The following TTC39A variants were observed in gnomAD, a reference collection of about 807,000 sequenced individuals.
The protein encoded by TTC39A is tetratricopeptide repeat domain 39A.
A neutral mutation model predicts 82.3 loss-of-function variants in TTC39A; 46 were observed. The observed-to-expected ratio is 0.56, with a 90% confidence interval of 0.44 to 0.71. The LOEUF is 0.71. Ranked by LOEUF, TTC39A falls within the 30% of genes least tolerant of loss-of-function variation. TTC39A has a pLI of 0.00. For synonymous variants in TTC39A, 254 were observed against 275.2 expected, an observed-to-expected ratio of 0.92 and a Z score of 0.76; for missense variants, 543 against 712.9, an observed-to-expected ratio of 0.76 and a Z score of 2.71.
At chr1:51,291,108 C>G (rs1644194687) in intron 14 of TTC39A, among the ~76,000 whole-genome samples, 1 of 152,202 alleles carries the variant, frequency 6.6e-6, no homozygotes, top group Non-Finnish European at 1.5e-5. Context: ...ATTCCATTTC[C>G]TTTAGAATGA....
intron 2 of TTC39A, among the ~76,000 whole-genome samples, chr1:51,320,416 C>CTTTT (rs57261779): frequency 1.0e-4 from 8 of 79,446 alleles, no homozygotes; most frequent in Admixed American, 3.0e-4. Flanking sequence ...TTTTCTTTTT[C>CTTTT]TTTTTTTTTT....
chr1:51,315,907 A>G (rs1406853490), intron 2 of TTC39A, among the ~76,000 whole-genome samples: 2 of 152,192 alleles, frequency 1.3e-5, no homozygotes, highest in African/African-American at 4.8e-5. Context: ...GCTGTTGCAC[A>G]GGGCCTGTGC....
At position 51,288,814 on chromosome 1, in the gene TTC39A, C is replaced by A; in HGVS notation, c.1610+25G>T. 6.4e-7 allele frequency: 1 copy of A among 1,572,416 alleles called. No individual in the cohort carries two copies. The highest frequency in any genetic ancestry group is 8.6e-7 in the Non-Finnish European group (1 of 1,157,318). On this transcript the variant is annotated intron_variant, in intron 17 of 17. Coordinates refer to ENST00000680483, the MANE Select transcript of TTC39A (RefSeq NM_001297663.2). This position sits in a 1 kb window ranked among gnomAD's most constrained non-coding sequence, Gnocchi z 4.8. ...AGCTGAGTTCAGAGGGAGCAAAGGA[C>A]AGACTGAGGTTACCCAAGCCTTACT...
At chr1:51,317,230 A>T (rs1645318572) in intron 2 of TTC39A, among the ~76,000 whole-genome samples, 1 of 152,238 alleles carries the variant, frequency 6.6e-6, no homozygotes, top group Non-Finnish European at 1.5e-5. Context: ...AGCGAATGAC[A>T]CTGGGCCCAA....
intron 1 of TTC39A, among the ~76,000 whole-genome samples, chr1:51,336,572 T>A (rs925499523): frequency 2.6e-5 from 4 of 152,072 alleles, no homozygotes; most frequent in Non-Finnish European, 5.9e-5. Context: ...AGAGCTCTAA[T>A]GAGGGGTTTC....
At chr1:51,326,209 A>G (rs1645708196) in intron 1 of TTC39A, among the ~76,000 whole-genome samples, 1 of 152,184 alleles carries the variant, frequency 6.6e-6, no homozygotes, top group Admixed American at 6.5e-5. Context: ...AGGGGCCCAG[A>G]AGACACCTCT....
intron 14 of TTC39A, among the ~76,000 whole-genome samples, chr1:51,293,510 G>A (rs1644299322): frequency 6.6e-6 from 1 of 152,156 alleles, no homozygotes; most frequent in Admixed American, 6.5e-5. Context: ...TAACTGCTCT[G>A]TAAAATGGGA....
At chr1:51,298,633 C>G (rs1177837599) in intron 12 of TTC39A, 1 of 152,412 alleles carries the variant, frequency 6.6e-6, no homozygotes, top group Non-Finnish European at 1.5e-5. Flanking sequence ...CAGCTGTCAC[C>G]CCTGATGCAA....
intron 1 of TTC39A, among the ~76,000 whole-genome samples, chr1:51,339,684 G>A (rs546561604): frequency 2.5e-3 from 374 of 152,318 alleles, no homozygotes; most frequent in Admixed American, 4.9e-3. Context: ...AGCACTTTGG[G>A]AGGCTGAGGT....
At chr1:51,310,778 T>C (rs1470015027) in intron 5 of TTC39A, among the ~76,000 whole-genome samples, 1 of 152,154 alleles carries the variant, frequency 6.6e-6, no homozygotes, top group Non-Finnish European at 1.5e-5. Flanking sequence ...CCTCTAAGTC[T>C]CCCCTTCACA....
chr1:51,291,146 A>T (rs1338069645), intron 14 of TTC39A, among the ~76,000 whole-genome samples: 1 of 152,118 alleles, frequency 6.6e-6, no homozygotes, highest in Non-Finnish European at 1.5e-5. Flanking sequence ...CTCTTAAAAC[A>T]CATCTGATTC....
intron 7 of TTC39A, chr1:51,305,646 C>G: frequency 5.3e-6 from 2 of 377,102 alleles, no homozygotes; most frequent in Non-Finnish European, 9.8e-6. Context: ...AAATGTTTAA[C>G]CAGCAGCTCT....
chr1:51,339,700 G>T (rs1425796174), intron 1 of TTC39A, among the ~76,000 whole-genome samples: 1 of 152,158 alleles, frequency 6.6e-6, no homozygotes, highest in Admixed American at 6.5e-5. Flanking sequence ...GAGGTGGGAG[G>T]ATCACTTGAG....
rs751707191 is a variant in TTC39A, at chr1:51,312,866, T to C, written c.224A>G (p.Gln75Arg). Residue 75 changes from glutamine to arginine, a missense_variant, in exon 3 of 18, where the codon CAG becomes CGG. Transcript: ENST00000680483. The stretch of plus-strand genomic sequence containing the variant: ...CATGTTGCCGGCAAGCAGGATGTCC[T>C]GAGGGTCAAAGGTCATCATGGCCTG... ...EMQAMMTFDP[Q>R]DILLAGNMMK... 2.5e-6 allele frequency: 4 copies of C among 1,613,962 alleles called. No homozygotes were observed. Among genetic ancestry groups the C allele is most frequent in the Non-Finnish European group, 1.7e-6 (2 of 1,179,866 alleles).
intron 6 of TTC39A, among the ~76,000 whole-genome samples, chr1:51,308,623 G>A (rs1162987649): frequency 6.6e-6 from 1 of 152,182 alleles, no homozygotes; most frequent in Admixed American, 6.5e-5. Context: ...TGTTGCTGTG[G>A]GAACCATAGA....
At chr1:51,300,286 C>CTG (rs2148163617) in intron 12 of TTC39A, 1 of 152,486 alleles carries the variant, frequency 6.6e-6, no homozygotes, top group African/African-American at 2.4e-5. Context: ...CAGTAGAAGC[C>CTG]TGCTCCCTTC....
chr1:51,309,576 G>A (rs879283966), intron 5 of TTC39A: 4 of 706,454 alleles, frequency 5.7e-6, no homozygotes, highest in African/African-American at 1.9e-5. Flanking sequence ...CACGCCCAGT[G>A]ATTAACAGTA....
intron 16 of TTC39A, 74 bp from the exon 17 acceptor site, chr1:51,289,029 C>T (rs565707013): frequency 7.1e-7 from 1 of 1,406,032 alleles, no homozygotes; most frequent in Non-Finnish European, 9.8e-7. Flanking sequence ...ATTTCCTAAC[C>T]CGAACTCCAA....
In TTC39A at chr1:51,290,644, G is replaced by T. The variant is rs1282991892; in HGVS notation, c.1267-19C>A. ...TCATTTCCTGAAGGCAGGGGGGCAAGTCAGTCCTAGGTTTCTTCCCTAATG... is the reference window on the plus strand; with the variant it reads ...TCATTTCCTGAAGGCAGGGGGGCAATTCAGTCCTAGGTTTCTTCCCTAATG... On this transcript the variant is annotated intron_variant, in intron 14 of 17. Transcript: ENST00000680483. The T allele has an allele frequency of 6.2e-7, 1 of 1,601,756 alleles. No homozygotes were observed. The highest frequency in any genetic ancestry group is 8.5e-7 in the Non-Finnish European group (1 of 1,173,016).
Sources: gnomAD v4.1 joint callset for allele counts (sites outside exome capture counted in the v4.1 genomes callset) on GRCh38, gnomAD v4.1.1 for gene constraint, Gnocchi (gnomAD v3.1) non-coding constraint, MANE v1.5 for transcripts, NCBI Gene and HGNC (gene_info 2026-07-23, HGNC 2026-07-21) for gene names.